MPP7: variants seen among roughly 807,000 people sequenced by gnomAD.
The protein encoded by MPP7 is MAGUK p55 subfamily member 7.
Under a neutral mutation model 76.5 loss-of-function variants are expected in MPP7, and 60 were observed. The ratio of observed to expected loss-of-function variants is 0.78; its 90% CI spans 0.64 to 0.97. The LOEUF (loss-of-function observed/expected upper bound fraction) is 0.97, where lower values mean the gene tolerates loss of function less well. Ranked by LOEUF, MPP7 falls within the 50% of genes least tolerant of loss-of-function variation. The probability of loss-of-function intolerance (pLI) is 0.00; values close to 1 mark genes in which losing one functional copy is unlikely to be tolerated. For missense variants in MPP7, 641 were observed against 694.0 expected, an observed-to-expected ratio of 0.92 and a Z score of 0.86; for synonymous variants, 237 against 244.5, an observed-to-expected ratio of 0.97 and a Z score of 0.29.
chr10:28,300,005 G>C (rs908899041), intron 1 of MPP7, among the ~76,000 whole-genome samples: 1 of 151,996 alleles, frequency 6.6e-6, no homozygotes, highest in Non-Finnish European at 1.5e-5. Context: ...CTGACCTTGT[G>C]ATCCGCCCGC....
intron 2 of MPP7, among the ~76,000 whole-genome samples, chr10:28,228,798 C>A (rs1165676856): frequency 6.6e-6 from 1 of 151,782 alleles, no homozygotes; most frequent in Non-Finnish European, 1.5e-5. Context: ...AAAAACTAAG[C>A]AGTTGCTTCT....
At chr10:28,294,481 T>C (rs1316980049) in intron 1 of MPP7, among the ~76,000 whole-genome samples, 1 of 152,170 alleles carries the variant, frequency 6.6e-6, no homozygotes, top group South Asian at 2.1e-4. Flanking sequence ...CAACATACGG[T>C]GATTAAAGAA....
chr10:28,224,231 T>C (rs1838614767), intron 2 of MPP7, among the ~76,000 whole-genome samples: 1 of 151,714 alleles, frequency 6.6e-6, no homozygotes, highest in African/African-American at 2.4e-5. Context: ...GGTGAGAAAA[T>C]TCAACTGTAA....
intron 3 of MPP7, among the ~76,000 whole-genome samples, chr10:28,190,914 GAT>G (rs1431274878): frequency 6.6e-6 from 1 of 151,972 alleles, no homozygotes; most frequent in African/African-American, 2.4e-5. Context: ...AAAGAGATAA[GAT>G]ACAAATTACG....
intron 3 of MPP7, among the ~76,000 whole-genome samples, chr10:28,167,085 C>T (rs892419320): frequency 2.0e-5 from 3 of 152,092 alleles, no homozygotes; most frequent in Admixed American, 6.6e-5. Context: ...CCAAGGAGGG[C>T]GGATTACTTG....
intron 1 of MPP7, among the ~76,000 whole-genome samples, chr10:28,298,714 G>A (rs1841086438): frequency 6.6e-6 from 1 of 152,218 alleles, no homozygotes; most frequent in African/African-American, 2.4e-5. Context: ...AGCTAAGAAA[G>A]TCCGAGACGG....
chr10:28,190,957 A>C (rs1188276719), intron 3 of MPP7, among the ~76,000 whole-genome samples: 2 of 152,164 alleles, frequency 1.3e-5, no homozygotes, highest in African/African-American at 4.8e-5. Flanking sequence ...AGTCAACAGT[A>C]CTGATGCCAA....
rs1212137133 is a variant in MPP7, at chr10:28,323,696, A to T, written c.-132+6233T>A. Among the ~76,000 whole-genome samples the T allele has an allele frequency of 5.7e-5, 4 of 70,246 alleles. No individual in the cohort carries two copies. The East Asian group carries it at 1.2e-3, about 20-fold the overall frequency. The allele number at this position is 70,246 out of a possible 152,430, so 46.1% of individuals were successfully genotyped here. A position where few individuals can be genotyped will look rare whatever the true frequency, so the allele number is the denominator to read the frequency against. On this transcript the variant is annotated intron_variant, in intron 2 of 11. Coordinates refer to the MPP7 transcript ENST00000441595. The stretch of plus-strand genomic sequence containing the variant: ...CCTGTTGCTACACACAAAAAATAAT[A>T]AATAAATAAATAAATAGAGAGAGAG...
chr10:28,228,767 A>C (rs1290935814), intron 2 of MPP7, among the ~76,000 whole-genome samples: 1 of 152,152 alleles, frequency 6.6e-6, no homozygotes, highest in Non-Finnish European at 1.5e-5. Context: ...TCTCAAAAAA[A>C]ACAGAAAAAA....
intron 1 of MPP7, among the ~76,000 whole-genome samples, chr10:28,263,205 G>A (rs551607880): frequency 2.0e-5 from 3 of 152,220 alleles, no homozygotes; most frequent in Non-Finnish European, 4.4e-5. Context: ...TCTGGTGGTA[G>A]TGTATTCAAA....
intron 5 of MPP7, among the ~76,000 whole-genome samples, chr10:28,132,272 A>G (rs1244813648): frequency 6.6e-6 from 1 of 152,180 alleles, no homozygotes; most frequent in African/African-American, 2.4e-5. Context: ...GAACACCAGA[A>G]CTTTGACATG....
chr10:28,179,982 T>C (rs1193839509), intron 3 of MPP7, among the ~76,000 whole-genome samples: 52 of 152,192 alleles, frequency 3.4e-4, no homozygotes, highest in Non-Finnish European at 4.4e-5. Flanking sequence ...AAAGCAATTC[T>C]AGATGCTATG....
At chr10:28,309,185 A>C (rs773737889) in intron 2 of MPP7, among the ~76,000 whole-genome samples, 1 of 152,074 alleles carries the variant, frequency 6.6e-6, no homozygotes, top group Non-Finnish European at 1.5e-5. Flanking sequence ...AGAAGATACT[A>C]CTCACATCAC....
chr10:28,168,972 T>C (rs1836583710), intron 3 of MPP7, among the ~76,000 whole-genome samples: 1 of 152,204 alleles, frequency 6.6e-6, no homozygotes, highest in Non-Finnish European at 1.5e-5. Flanking sequence ...TCCTTCTTTT[T>C]CTACAGTACT....
intron 1 of MPP7, among the ~76,000 whole-genome samples, chr10:28,248,950 A>G (rs1438402113): frequency 2.0e-5 from 3 of 152,118 alleles, no homozygotes; most frequent in African/African-American, 7.2e-5. Flanking sequence ...TCGTTAAGCA[A>G]CGTATGACTT....
chr10:28,058,532 G>A lies in MPP7; in HGVS notation c.1370C>T (p.Ala457Val). 6.2e-7 allele frequency: 1 copy of A among 1,605,436 alleles called. No individual in the cohort carries two copies. The highest frequency in any genetic ancestry group is 1.1e-5 in the South Asian group (1 of 89,702). Residue 457 changes from alanine to valine, a missense_variant, in exon 15 of 17, where the codon GCT becomes GTT. Physicochemically the swap from Ala to Val is moderately conservative, Grantham distance 64 (BLOSUM62 0). Coordinates refer to ENST00000683449, the MANE Select transcript of MPP7 (RefSeq NM_001318170.2). ...ATCCAACAAACAAACTTTGTTTTTA[G>A]CAAGGACAGACCGAACTGAGTCTAT... ...TSIDSVRSVLAKNKVCLLDVQ... is the reference protein window; with the variant it reads ...TSIDSVRSVLVKNKVCLLDVQ...
intron 12 of MPP7, among the ~76,000 whole-genome samples, chr10:28,085,795 T>G (rs1352361487): frequency 1.3e-5 from 2 of 152,016 alleles, no homozygotes; most frequent in Admixed American, 6.6e-5. Flanking sequence ...CAGCAGTCAT[T>G]GCAATAGGAT....
intron 1 of MPP7, among the ~76,000 whole-genome samples, chr10:28,286,319 CT>C (rs1840789773): frequency 6.6e-6 from 1 of 151,556 alleles, no homozygotes; most frequent in African/African-American, 2.4e-5. Context: ...GTACTCCAGC[CT>C]GGGCAACAGA....
chr10:28,199,087 G>A (rs1042894670), intron 3 of MPP7, among the ~76,000 whole-genome samples: 2 of 152,140 alleles, frequency 1.3e-5, no homozygotes, highest in Non-Finnish European at 2.9e-5. Context: ...AAGAGAGGAT[G>A]AGAGCCAAGC....
Sources: allele counts gnomAD v4.1 joint callset (sites outside exome capture counted in the v4.1 genomes callset), GRCh38; gene constraint gnomAD v4.1.1; transcripts MANE v1.5; gene names NCBI Gene and HGNC (gene_info 2026-07-23, HGNC 2026-07-21).